Variants in RBFOX1 observed in about 807,000 individuals in gnomAD.
RBFOX1 encodes the protein RNA binding fox-1 homolog 1.
RBFOX1 carries 8 observed loss-of-function variants against 57.7 expected under a neutral mutation model. The ratio of observed to expected loss-of-function variants is 0.14; its 90% CI spans 0.08 to 0.25. RBFOX1 has a LOEUF of 0.25. RBFOX1 is among the 10% of genes least tolerant of loss of function. RBFOX1 has a pLI of 1.00. For missense variants in RBFOX1, 611 were observed against 548.5 expected (o/e 1.11, Z -1.14); for synonymous variants, 326 against 222.4 (o/e 1.47, Z -4.15).
chr16:6,524,818 A>C (rs575626081), intron 2 of RBFOX1, among the ~76,000 whole-genome samples: 1 of 151,804 alleles, frequency 6.6e-6, no homozygotes, highest in South Asian at 2.1e-4. Context: ...TTCCTCCATC[A>C]CCTGGCTCCT....
intron 3 of RBFOX1, among the ~76,000 whole-genome samples, chr16:6,855,963 C>G (rs888549379): frequency 1.3e-5 from 2 of 151,882 alleles, no homozygotes; most frequent in Non-Finnish European, 2.9e-5. Flanking sequence ...GTCATTTGTA[C>G]CCAAAGACTC....
intron 2 of RBFOX1, among the ~76,000 whole-genome samples, chr16:6,363,345 C>G (rs973723085): frequency 6.6e-6 from 1 of 152,134 alleles, no homozygotes; most frequent in African/African-American, 2.4e-5. Context: ...AAAATAAATT[C>G]AGATATTTAA....
intron 1 of RBFOX1, among the ~76,000 whole-genome samples, chr16:6,196,231 G>C (rs112976932): frequency 5.3e-5 from 8 of 152,300 alleles, no homozygotes; most frequent in African/African-American, 1.9e-4. Flanking sequence ...GCTACCAGGA[G>C]TTTGAATTCA....
intron 4 of RBFOX1, among the ~76,000 whole-genome samples, chr16:7,132,698 A>T (rs1418338557): frequency 2.0e-5 from 3 of 152,204 alleles, no homozygotes; most frequent in Non-Finnish European, 4.4e-5. Flanking sequence ...ATATTCCTTG[A>T]GGAAATTATG....
chr16:6,871,790 T>A (rs1223076911), intron 3 of RBFOX1, among the ~76,000 whole-genome samples: 1 of 152,160 alleles, frequency 6.6e-6, no homozygotes. Flanking sequence ...GATTTTAGGA[T>A]CAAGTCTGGA....
chr16:6,046,769 C>T (rs931933684), intron 1 of RBFOX1, among the ~76,000 whole-genome samples: 2 of 152,126 alleles, frequency 1.3e-5, no homozygotes, highest in African/African-American at 4.8e-5. Context: ...AACATTATTT[C>T]CCAGACATGG....
At chr16:5,742,118 A>G (rs577708913) in intron 3 of RBFOX1, among the ~76,000 whole-genome samples, 2 of 152,306 alleles carry the variant, frequency 1.3e-5, no homozygotes, top group South Asian at 2.1e-4. Context: ...TTTCAGAGTG[A>G]TAGTATATGG....
intron 2 of RBFOX1, among the ~76,000 whole-genome samples, chr16:6,587,770 A>T (rs915874513): frequency 3.9e-5 from 6 of 152,344 alleles, no homozygotes; most frequent in Middle Eastern, 3.4e-3. Flanking sequence ...TAAAACACAC[A>T]GTGAAAACCC....
rs530978559 is a variant in RBFOX1 at position 7,116,695 on chromosome 16, C to A, written c.27+64597C>A. ...CCAGTGAAGCTACCATTAGATTATTCTGTTTACTGTTAAGGTACGTGGAGA... is the reference window on the plus strand; with the variant it reads ...CCAGTGAAGCTACCATTAGATTATTATGTTTACTGTTAAGGTACGTGGAGA... On this transcript the variant is annotated intron_variant, in intron 4 of 15. Transcript: ENST00000550418. Among the ~76,000 whole-genome samples the A allele has an allele frequency of 4.0e-4, 61 of 152,274 alleles. No individual in the cohort carries two copies. The South Asian group carries it at 4.2e-3, about 10-fold the overall frequency.
intron 3 of RBFOX1, among the ~76,000 whole-genome samples, chr16:6,779,320 G>A (rs2079937443): frequency 6.6e-6 from 1 of 151,962 alleles, no homozygotes; most frequent in Admixed American, 6.6e-5. Context: ...CTCCAGTTGT[G>A]TCTATGCTGT....
chr16:6,901,660 G>T (rs1340491188), intron 3 of RBFOX1, among the ~76,000 whole-genome samples: 1 of 152,180 alleles, frequency 6.6e-6, no homozygotes, highest in Non-Finnish European at 1.5e-5. Context: ...AACTAAAACA[G>T]TTGAGCATAC....
chr16:5,959,939 G>A (rs1232194775), intron 4 of RBFOX1, among the ~76,000 whole-genome samples: 3 of 152,202 alleles, frequency 2.0e-5, no homozygotes. Flanking sequence ...GGTGGCTCAC[G>A]CCTGTAATCC....
chr16:6,825,300 G>T (rs1294285202), intron 3 of RBFOX1, among the ~76,000 whole-genome samples: 2 of 151,168 alleles, frequency 1.3e-5, no homozygotes, highest in Admixed American at 6.6e-5. Flanking sequence ...AATGTCTGTA[G>T]ATATTGCCCA....
chr16:5,433,887 C>T (rs1032306822), intron 1 of RBFOX1, among the ~76,000 whole-genome samples: 5 of 152,154 alleles, frequency 3.3e-5, no homozygotes, highest in African/African-American at 9.7e-5. Context: ...AGACCGAGGA[C>T]GTTAGAGACA....
intron 4 of RBFOX1, among the ~76,000 whole-genome samples, chr16:7,065,209 T>A (rs1378371897): frequency 6.6e-6 from 1 of 152,224 alleles, no homozygotes; most frequent in African/African-American, 2.4e-5. Context: ...CATGGTTTAG[T>A]GCCCCTAGCT....
rs533296924 is a variant in RBFOX1 at position 5,258,581 on chromosome 16, A to G, written c.219+18476A>G. 1.8e-3 allele frequency among the ~76,000 whole-genome samples: 268 copies of G among 152,312 alleles called. 1 individual carries two copies. The highest frequency in any genetic ancestry group is 3.4e-3 in the Non-Finnish European group (233 of 68,024). ...CAAGATTTAATGACAGAGATTCCAT[A>G]TTAGCCCTGATGTCTAAGCTCTGTG... On this transcript the variant is annotated intron_variant, in intron 1 of 2. Transcript: ENST00000585867.
intron 3 of RBFOX1, among the ~76,000 whole-genome samples, chr16:5,837,112 C>T (rs2056482267): frequency 1.3e-5 from 2 of 152,198 alleles, no homozygotes; most frequent in South Asian, 4.2e-4. Context: ...CCTCCTTTCC[C>T]AACCCTCAGT....
chr16:6,209,414 C>T (rs571555933), intron 1 of RBFOX1, among the ~76,000 whole-genome samples: 3 of 151,988 alleles, frequency 2.0e-5, no homozygotes, highest in Non-Finnish European at 2.9e-5. Flanking sequence ...ATCCAAACTT[C>T]CAAACTTCCT....
At chr16:5,262,873 A>G (rs1291678449) in intron 1 of RBFOX1, among the ~76,000 whole-genome samples, 1 of 152,152 alleles carries the variant, frequency 6.6e-6, no homozygotes, top group Non-Finnish European at 1.5e-5. Context: ...GAAAAGAAAA[A>G]CACTCACTCC....
Sources: gnomAD v4.1 joint callset for allele counts (sites outside exome capture counted in the v4.1 genomes callset) on GRCh38, gnomAD v4.1.1 for gene constraint, MANE v1.5 for transcripts, NCBI Gene and HGNC (gene_info 2026-07-23, HGNC 2026-07-21) for gene names.